The following RASEF variants were observed in gnomAD, a reference collection of about 807,000 sequenced individuals.
RASEF encodes the protein ras and EF-hand domain-containing protein.
In RASEF, 68 loss-of-function variants were observed where a neutral mutation model predicts 90.1. The observed-to-expected ratio is 0.75, with a 90% CI of 0.62 to 0.92. The LOEUF (loss-of-function observed/expected upper bound fraction) is 0.92. Ranked by LOEUF, RASEF falls within the 40% of genes least tolerant of loss-of-function variation. The pLI, the probability that RASEF is intolerant of heterozygous loss-of-function variation, is 0.00. For missense variants in RASEF, 949 were observed against 937.2 expected, an observed-to-expected ratio of 1.01 and a Z score of -0.16; for synonymous variants, 331 against 345.2, an observed-to-expected ratio of 0.96 and a Z score of 0.46.
the RASEF span, among the ~76,000 whole-genome samples, chr9:83,218,177 A>G: frequency 1.3e-5 from 2 of 152,210 alleles, no homozygotes; most frequent in Admixed American, 1.3e-4. Context: ...ACACTCCATT[A>G]GGGAAAAAGA....
the RASEF span, among the ~76,000 whole-genome samples, chr9:83,101,728 C>T: frequency 1.8e-3 from 270 of 152,278 alleles, 2 homozygotes; most frequent in African/African-American, 5.9e-3. Flanking sequence ...AATACTGAAC[C>T]ATAGCTCTTA....
chr9:83,121,109 G>T, the RASEF span, among the ~76,000 whole-genome samples: 1 of 152,176 alleles, frequency 6.6e-6, no homozygotes, highest in East Asian at 1.9e-4. Context: ...ATTTCAGTTT[G>T]TCAAGGAGTG....
At chr9:83,153,991 G>C in the RASEF span, among the ~76,000 whole-genome samples, 1 of 152,174 alleles carries the variant, frequency 6.6e-6, no homozygotes, top group Non-Finnish European at 1.5e-5. Context: ...AGCGTATAGC[G>C]TCTCAACATC....
chr9:83,192,715 A>C, the RASEF span, among the ~76,000 whole-genome samples: 2 of 134,794 alleles, frequency 1.5e-5, no homozygotes, highest in Non-Finnish European at 3.1e-5. Flanking sequence ...AAATAATAGT[A>C]AAAAAAAAAA....
At position 83,015,854 on chromosome 9, in the gene RASEF, T is replaced by C; in HGVS notation, c.716A>G (p.Tyr239Cys). 1.2e-6 allele frequency: 2 copies of C among 1,614,086 alleles called. No homozygotes were observed. Among genetic ancestry groups the C allele is most frequent in the Non-Finnish European group, 1.7e-6 (2 of 1,179,976 alleles). ...CTGCAGATCTCCTACTTCAGTTTCA[T>C]ACTGACGTCTGAGGTCACTGAGGGC... The part of the protein sequence containing the change: ...EEALSDLRRQ[Y>C]ETEVGDLQVT... Residue 239 changes from tyrosine (Y) to cysteine (C), a missense_variant, in exon 4 of 17, where the codon TAT becomes TGT. Coordinates refer to ENST00000376447, the MANE Select transcript of RASEF (RefSeq NM_152573.4).
chr9:83,168,664 A>C, the RASEF span, among the ~76,000 whole-genome samples: 1 of 152,186 alleles, frequency 6.6e-6, no homozygotes, highest in African/African-American at 2.4e-5. Flanking sequence ...ATCTGAATAG[A>C]TATTTCTCAA....
intron 16 of RASEF, among the ~76,000 whole-genome samples, chr9:82,983,236 GAACCAGGTTTCC>G (rs1344073559): frequency 1.3e-5 from 2 of 151,580 alleles, no homozygotes; most frequent in African/African-American, 4.9e-5. Context: ...TAACACTCTG[GAACCAGGTTTCC>G]AGCTTCATGT....
At chr9:83,022,796 C>T (rs1181043892) in intron 2 of RASEF, among the ~76,000 whole-genome samples, 1 of 152,146 alleles carries the variant, frequency 6.6e-6, no homozygotes, top group Non-Finnish European at 1.5e-5. Context: ...GGCTGGAAAC[C>T]TGAACAGCAT....
the RASEF span, among the ~76,000 whole-genome samples, chr9:83,180,507 A>C: frequency 6.6e-6 from 1 of 152,054 alleles, no homozygotes; most frequent in South Asian, 2.1e-4. Context: ...AAAACATGAC[A>C]AAAGGGGAAA....
the RASEF span, among the ~76,000 whole-genome samples, chr9:83,185,450 G>C: frequency 1.3e-5 from 2 of 151,132 alleles, no homozygotes; most frequent in Admixed American, 6.6e-5. Flanking sequence ...GCCTTCCAAA[G>C]TCCTGGGATT....
chr9:83,096,044 G>T, the RASEF span, among the ~76,000 whole-genome samples: 1 of 152,110 alleles, frequency 6.6e-6, no homozygotes, highest in Non-Finnish European at 1.5e-5. Context: ...GGACTTAATA[G>T]AGGCTTTTCA....
chr9:83,206,820 G>A, the RASEF span, among the ~76,000 whole-genome samples: 2 of 152,108 alleles, frequency 1.3e-5, no homozygotes, highest in East Asian at 1.9e-4. Flanking sequence ...GTTGCCTTCA[G>A]GCTTCCAGAA....
At chr9:83,162,463 A>G in the RASEF span, among the ~76,000 whole-genome samples, 1 of 152,232 alleles carries the variant, frequency 6.6e-6, no homozygotes, top group African/African-American at 2.4e-5. Context: ...ATTAGTATTT[A>G]CCAAAAATCT....
At chr9:83,049,435 C>T (rs1829999449) in intron 1 of RASEF, 1 of 643,290 alleles carries the variant, frequency 1.6e-6, no homozygotes, top group African/African-American at 2.0e-5. Flanking sequence ...CATCACTTTT[C>T]TATTTAGACC....
the RASEF span, among the ~76,000 whole-genome samples, chr9:83,147,036 A>ATG: frequency 5.9e-4 from 58 of 98,536 alleles, no homozygotes; most frequent in African/African-American, 1.8e-3. Context: ...GTGTATATAT[A>ATG]TATGTATATA....
chr9:83,182,024 T>A, the RASEF span, among the ~76,000 whole-genome samples: 13 of 152,122 alleles, frequency 8.5e-5, no homozygotes, highest in Non-Finnish European at 1.9e-4. Context: ...TCAGAGTCCC[T>A]TCTTATTTGT....
the RASEF span, among the ~76,000 whole-genome samples, chr9:83,175,762 A>G: frequency 6.6e-6 from 1 of 151,906 alleles, no homozygotes; most frequent in Non-Finnish European, 1.5e-5. Context: ...TTGTATTTTT[A>G]GTAGAGATGG....
Position 83,062,848 on chromosome 9 carries a change from C to T in RASEF, c.20G>A (p.Gly7Glu), listed in dbSNP as rs1339062349. The change falls in exon 1 of 17, where the codon GGA becomes GAA. Residue 7 changes from glycine to glutamate, a missense_variant. This residue lies in a region of RASEF where 656 missense variants were observed against 592.2 expected (regional missense o/e 1.11). Transcript: ENST00000376447. ...TGAGCGCAGCCGGGCCAGCTCCTCT[C>T]CGTCCCCATCCGCCTCCATCCCGCC... MEADGD[G>E]EELARLRSVF... 1 of 1,530,260 alleles carries T rather than the reference C, an allele frequency of 6.5e-7. No homozygotes were observed. Among genetic ancestry groups the T allele is most frequent in the African/African-American group, 1.4e-5 (1 of 70,144 alleles). 94.8% of individuals were successfully genotyped at this position (1,530,260 alleles called of 1,614,324 possible).
chr9:83,216,248 G>A, the RASEF span, among the ~76,000 whole-genome samples: 4 of 151,990 alleles, frequency 2.6e-5, no homozygotes, highest in Non-Finnish European at 4.4e-5. Flanking sequence ...CCAAGACAAT[G>A]GGGAAAATGT....
Sources: gnomAD v4.1 joint callset for allele counts (sites outside exome capture counted in the v4.1 genomes callset) on GRCh38, gnomAD v4.1.1 for gene constraint, gnomAD v4.1.1 regional missense constraint, MANE v1.5 for transcripts, NCBI Gene and HGNC (gene_info 2026-07-23, HGNC 2026-07-21) for gene names.